Variants in ANKRD17 observed in about 807,000 individuals in gnomAD.
ANKRD17 encodes ankyrin repeat domain 17, also known as ankyrin repeat domain-containing protein 17.
ANKRD17 carries 19 observed loss-of-function variants against 229.7 expected under a neutral mutation model. That is an observed-to-expected ratio of 0.08 (90% confidence interval 0.06 to 0.12). The LOEUF (loss-of-function observed/expected upper bound fraction) is 0.12, where lower values mean the gene tolerates loss of function less well. Among genes scored for constraint, ANKRD17 ranks in the 10% least tolerant of loss-of-function variants. The pLI is 1.00. For missense variants in ANKRD17, 2,176 were observed against 3,176.8 expected (o/e 0.68, Z 7.57); for synonymous variants, 1,112 against 1,146.1 (o/e 0.97, Z 0.60).
chr4:73,239,512 T>C (rs967297352), intron 1 of ANKRD17, among the ~76,000 whole-genome samples: 3 of 152,198 alleles, frequency 2.0e-5, no homozygotes, highest in African/African-American at 7.2e-5. Flanking sequence ...GGAATATTAA[T>C]TTAAAAAGAA....
intron 3 of ANKRD17, among the ~76,000 whole-genome samples, chr4:73,157,470 C>T (rs1335982392): frequency 2.6e-5 from 4 of 152,092 alleles, no homozygotes; most frequent in Non-Finnish European, 5.9e-5. Flanking sequence ...AAAACAATTC[C>T]AATTGTAGAC....
chr4:73,084,719 G>A (rs1285272016), intron 30 of ANKRD17, among the ~76,000 whole-genome samples: 1 of 152,156 alleles, frequency 6.6e-6, no homozygotes, highest in South Asian at 2.1e-4. Flanking sequence ...AAAGTGCTAG[G>A]ATTACAGGTG....
intron 1 of ANKRD17, among the ~76,000 whole-genome samples, chr4:73,241,941 G>C (rs549702524): frequency 5.2e-4 from 79 of 152,142 alleles, no homozygotes; most frequent in African/African-American, 1.8e-3. Flanking sequence ...TGCCAAAAAT[G>C]CATTTGATAA....
intron 1 of ANKRD17, 139 bp downstream of exon 1, chr4:73,258,137 G>T (rs1359259045): frequency 6.8e-7 from 1 of 1,462,296 alleles, no homozygotes; most frequent in Admixed American, 2.1e-5. Context: ...TAGGCCGAGG[G>T]AAGAAAGGGG....
At position 73,102,429 on chromosome 4, in the gene ANKRD17, T is replaced by C; in HGVS notation, c.4520A>G (p.Lys1507Arg). The change falls in exon 25 of 34, where the codon AAA becomes AGA. Residue 1507 changes from lysine to arginine, a missense_variant. Physicochemically the swap from Lys to Arg is conservative, Grantham distance 26. Around this residue, in one of 18 missense-constraint regions of ANKRD17, gnomAD observed 105 missense variants for 118.3 expected, o/e 0.89. Transcript: ENST00000358602. ...AGCAGCTTGGAGTTCAAAGTTCTCT[T>C]TATTTTTGGCTTCAATTTCTTCTAG... is the stretch of plus-strand genomic sequence containing the variant. ...RKLEEIEAKN[K>R]ENFELQAAQE... The C allele has an allele frequency of 1.2e-6, 2 of 1,605,856 alleles. No homozygotes were observed. Among genetic ancestry groups the C allele is most frequent in the Non-Finnish European group, 1.7e-6 (2 of 1,178,382 alleles).
chr4:73,195,824 T>A (rs1737792689), intron 1 of ANKRD17, among the ~76,000 whole-genome samples: 1 of 151,990 alleles, frequency 6.6e-6, no homozygotes, highest in Non-Finnish European at 1.5e-5. Context: ...GAATTTTTCA[T>A]GTGAAATACA....
At chr4:73,223,921 T>C (rs1742176584) in intron 1 of ANKRD17, among the ~76,000 whole-genome samples, 1 of 152,130 alleles carries the variant, frequency 6.6e-6, no homozygotes, top group Non-Finnish European at 1.5e-5. Context: ...TCAAATTTCT[T>C]CCTTATACAA....
At position 73,144,028 on chromosome 4, in the gene ANKRD17, A is replaced by G. The variant is rs144557690; in HGVS notation, c.1957+717T>C. 4.4e-3 allele frequency among the ~76,000 whole-genome samples: 669 copies of G among 152,298 alleles called. 5 individuals are homozygous for G. Among genetic ancestry groups the G allele is most frequent in the African/African-American group, 0.015 (644 of 41,580 alleles). On this transcript the variant is annotated intron_variant, in intron 11 of 33. Coordinates refer to ENST00000358602, the MANE Select transcript of ANKRD17 (RefSeq NM_032217.5). The stretch of plus-strand genomic sequence containing the variant: ...AGAGCTGAGATTACAAGGGTGAGCC[A>G]CCACACCTGGCTTCCTCTTTCTTTT...
chr4:73,231,056 T>G (rs761051077), intron 1 of ANKRD17, among the ~76,000 whole-genome samples: 5 of 152,324 alleles, frequency 3.3e-5, no homozygotes, highest in Non-Finnish European at 7.3e-5. Context: ...AATCTATTGA[T>G]GATACAGCAC....
chr4:73,166,455 A>C (rs982581434), intron 2 of ANKRD17, among the ~76,000 whole-genome samples: 1 of 152,200 alleles, frequency 6.6e-6, no homozygotes, highest in East Asian at 1.9e-4. Flanking sequence ...AAGTATGAGG[A>C]TAGTAAGAAA....
Position 73,241,053 on chromosome 4 carries a change from C to T in ANKRD17, c.393+17223G>A, listed in dbSNP as rs531375756. ...CTTGAACTCCTGAGCTCAGGCAACC[C>T]GCCCACCTCGGCTTCCCAAAGTGCT... On this transcript the variant is annotated intron_variant, in intron 1 of 33. Transcript: ENST00000358602. Among the ~76,000 whole-genome samples, 27 of 152,060 alleles carry T rather than the reference C, an allele frequency of 1.8e-4. No homozygotes were observed. In the South Asian group the frequency reaches 5.2e-3, roughly 29 times the overall value.
intron 1 of ANKRD17, among the ~76,000 whole-genome samples, chr4:73,225,559 C>T (rs1487925751): frequency 6.6e-6 from 1 of 152,076 alleles, no homozygotes; most frequent in East Asian, 1.9e-4. Context: ...CTGTTGAAAG[C>T]AGGCAATACT....
At chr4:73,079,274 T>C (rs2110089518) in intron 30 of ANKRD17, among the ~76,000 whole-genome samples, 1 of 152,358 alleles carries the variant, frequency 6.6e-6, no homozygotes, top group South Asian at 2.1e-4. Context: ...CTGTATTCCC[T>C]GGGAATACTT....
intron 1 of ANKRD17, among the ~76,000 whole-genome samples, chr4:73,214,162 C>A (rs1190507211): frequency 6.6e-6 from 1 of 152,174 alleles, no homozygotes; most frequent in Non-Finnish European, 1.5e-5. Context: ...CAGATTTCCA[C>A]ACAAGGTTTT....
At chr4:73,162,843 C>T (rs1214018888) in intron 2 of ANKRD17, among the ~76,000 whole-genome samples, 1 of 151,718 alleles carries the variant, frequency 6.6e-6, no homozygotes, top group Admixed American at 6.6e-5. Context: ...ACTTGTGGTG[C>T]TTTTTTGTTT....
intron 18 of ANKRD17, among the ~76,000 whole-genome samples, chr4:73,122,259 C>T (rs2148704934): frequency 6.6e-6 from 1 of 152,220 alleles, no homozygotes; most frequent in Non-Finnish European, 1.5e-5. Context: ...TTTTAGGTCC[C>T]ACCTACTGGC....
At chr4:73,124,845 A>C in intron 18 of ANKRD17, 68 bp downstream of exon 18, 1 of 1,544,950 alleles carries the variant, frequency 6.5e-7, no homozygotes, top group Non-Finnish European at 8.8e-7. Flanking sequence ...TAGAAAAAAT[A>C]ATATAAGTGA....
chr4:73,195,752 C>G (rs1048715760), intron 1 of ANKRD17, among the ~76,000 whole-genome samples: 1 of 152,126 alleles, frequency 6.6e-6, no homozygotes, highest in African/African-American at 2.4e-5. Context: ...CGTGATCTGC[C>G]CACCTTGGCC....
intron 19 of ANKRD17, 69 bp from the exon 20 acceptor site, chr4:73,121,163 G>T: frequency 2.3e-6 from 3 of 1,281,052 alleles, no homozygotes; most frequent in Non-Finnish European, 3.4e-6. Context: ...AATTGGAGAT[G>T]ATATATAATT....
Sources: allele counts gnomAD v4.1 joint callset (sites outside exome capture counted in the v4.1 genomes callset), GRCh38; gene constraint gnomAD v4.1.1; regional missense constraint gnomAD v4.1.1; transcripts MANE v1.5; gene names NCBI Gene and HGNC (gene_info 2026-07-23, HGNC 2026-07-21).